MACROD2: variants seen among roughly 807,000 people sequenced by gnomAD.
MACROD2 encodes the protein mono-ADP ribosylhydrolase 2.
In MACROD2, 36 loss-of-function variants were observed where a neutral mutation model predicts 70.4. The ratio of observed to expected loss-of-function variants is 0.51; its 90% CI spans 0.39 to 0.68. The LOEUF (loss-of-function observed/expected upper bound fraction) is 0.68. MACROD2 is among the 30% of genes least tolerant of loss of function. MACROD2 has a pLI of 0.00. For missense variants in MACROD2, 496 were observed against 538.4 expected, an observed-to-expected ratio of 0.92 and a Z score of 0.78; for synonymous variants, 172 against 178.8, an observed-to-expected ratio of 0.96 and a Z score of 0.30.
At chr20:14,467,055 T>C (rs975415552) in intron 3 of MACROD2, among the ~76,000 whole-genome samples, 3 of 152,140 alleles carry the variant, frequency 2.0e-5, no homozygotes, top group African/African-American at 7.2e-5. Flanking sequence ...CTACTCTCTT[T>C]AAAGCTGTCA....
At chr20:15,633,976 G>A (rs115466237) in intron 8 of MACROD2, among the ~76,000 whole-genome samples, 2,553 of 152,200 alleles carry the variant, frequency 0.017, 36 homozygotes, top group Middle Eastern at 0.044. Flanking sequence ...ATCTGTTTAT[G>A]CCTCTTTAGT....
intron 3 of MACROD2, among the ~76,000 whole-genome samples, chr20:14,354,464 A>G (rs1020674276): frequency 6.6e-6 from 1 of 152,172 alleles, no homozygotes; most frequent in Non-Finnish European, 1.5e-5. Flanking sequence ...TTTTAGGTGG[A>G]TATCAGCCTT....
chr20:14,975,953 G>T (rs1460008796), intron 5 of MACROD2, among the ~76,000 whole-genome samples: 6 of 152,094 alleles, frequency 3.9e-5, no homozygotes, highest in African/African-American at 1.4e-4. Context: ...GGCTTTCAAC[G>T]GAATTAACAG....
intron 4 of MACROD2, among the ~76,000 whole-genome samples, chr20:14,597,331 C>T (rs1982210619): frequency 6.6e-6 from 1 of 152,090 alleles, no homozygotes; most frequent in Admixed American, 6.5e-5. Context: ...GTTTGTTGTT[C>T]TTGGCTTCCC....
chr20:15,626,762 G>A (rs534645016), intron 8 of MACROD2, among the ~76,000 whole-genome samples: 1 of 152,244 alleles, frequency 6.6e-6, no homozygotes, highest in Admixed American at 6.5e-5. Context: ...GGCTGAGGCA[G>A]GAGAATCTCT....
chr20:14,516,079 A>G lies in MACROD2; in HGVS notation c.301+22571A>G, dbSNP rs2085097105. Among the ~76,000 whole-genome samples, 7 of 149,620 alleles carry G rather than the reference A, an allele frequency of 4.7e-5. 1 individual carries two copies. The South Asian group carries it at 1.5e-3, about 31-fold the overall frequency. On this transcript the variant is annotated intron_variant, in intron 4 of 17. Transcript: ENST00000684519. Reference sequence around the variant, plus strand: ...TAAAATCATTATCTCTCAAATAAATAAATAAATAAATAAGAAAGAAATTTA... The same window carrying G: ...TAAAATCATTATCTCTCAAATAAATGAATAAATAAATAAGAAAGAAATTTA...
At chr20:14,079,224 G>A (rs2053957258) in intron 2 of MACROD2, among the ~76,000 whole-genome samples, 1 of 152,156 alleles carries the variant, frequency 6.6e-6, no homozygotes, top group South Asian at 2.1e-4. Context: ...GAGACCTGTG[G>A]AAAGGACTAT....
rs568154970 is a variant in MACROD2 at position 16,045,432 on chromosome 20, A to C, written c.1300+793A>C. Reference sequence around the variant, plus strand: ...AGGCAAGGAAAATGACTTTATTCCAAGAGCCAGCAAACCAAGAAGATGGCA... The same window carrying C: ...AGGCAAGGAAAATGACTTTATTCCACGAGCCAGCAAACCAAGAAGATGGCA... On this transcript the variant is annotated intron_variant, in intron 17 of 17. Coordinates refer to ENST00000684519, the MANE Select transcript of MACROD2 (RefSeq NM_001351661.2). Among the ~76,000 whole-genome samples, 19 of 152,258 alleles carry C rather than the reference A, an allele frequency of 1.2e-4. No homozygotes were observed. In the South Asian group the frequency reaches 3.9e-3, roughly 32 times the overall value.
chr20:15,175,195 G>A (rs986033095), intron 5 of MACROD2, among the ~76,000 whole-genome samples: 4 of 147,244 alleles, frequency 2.7e-5, no homozygotes, highest in East Asian at 2.0e-4. Context: ...ACCAAACACC[G>A]CATATTGTCA....
At chr20:15,919,534 A>C (rs1180108430) in intron 10 of MACROD2, among the ~76,000 whole-genome samples, 1 of 152,124 alleles carries the variant, frequency 6.6e-6, no homozygotes, top group African/African-American at 2.4e-5. Flanking sequence ...CAGGAGTTCC[A>C]GATCAGTCTG....
intron 6 of MACROD2, among the ~76,000 whole-genome samples, chr20:15,389,175 C>A (rs551253227): frequency 6.6e-6 from 1 of 152,192 alleles, no homozygotes; most frequent in East Asian, 1.9e-4. Context: ...CTTTCAAGAA[C>A]CTAGGGTTGC....
intron 5 of MACROD2, among the ~76,000 whole-genome samples, chr20:15,133,182 A>ATC (rs2076119318): frequency 6.6e-6 from 1 of 152,150 alleles, no homozygotes; most frequent in African/African-American, 2.4e-5. Context: ...ATTTATAAAG[A>ATC]AAAGATCAAT....
chr20:15,432,513 C>T (rs2046375670), intron 7 of MACROD2, among the ~76,000 whole-genome samples: 1 of 151,988 alleles, frequency 6.6e-6, no homozygotes, highest in Non-Finnish European at 1.5e-5. Flanking sequence ...ACAATTATCC[C>T]CATCATGGCC....
intron 5 of MACROD2, among the ~76,000 whole-genome samples, chr20:14,816,084 A>G (rs2072770840): frequency 6.6e-6 from 1 of 152,068 alleles, no homozygotes; most frequent in South Asian, 2.1e-4. Flanking sequence ...CATTAAAAGG[A>G]GTTGAGTGGA....
chr20:14,028,364 G>A (rs2148629836), intron 2 of MACROD2, among the ~76,000 whole-genome samples: 1 of 152,312 alleles, frequency 6.6e-6, no homozygotes, highest in East Asian at 1.9e-4. Flanking sequence ...GGACCCCGTG[G>A]GGGTGGGATC....
At chr20:14,855,613 T>G (rs962459524) in intron 5 of MACROD2, among the ~76,000 whole-genome samples, 5 of 147,660 alleles carry the variant, frequency 3.4e-5, no homozygotes, top group African/African-American at 1.2e-4. Flanking sequence ...TTTTTTTTTT[T>G]TTTTTTTTTT....
At chr20:14,268,859 A>T (rs1426671138) in intron 3 of MACROD2, among the ~76,000 whole-genome samples, 1 of 152,042 alleles carries the variant, frequency 6.6e-6, no homozygotes, top group Non-Finnish European at 1.5e-5. Flanking sequence ...CCTTTATCCC[A>T]TTCTTTTAAA....
intron 6 of MACROD2, among the ~76,000 whole-genome samples, chr20:15,286,831 G>A (rs1173403761): frequency 1.3e-5 from 2 of 152,146 alleles, no homozygotes; most frequent in African/African-American, 4.8e-5. Flanking sequence ...TCAGAAGCTA[G>A]TGCTGCTATT....
chr20:15,384,310 T>A (rs1330041773), intron 6 of MACROD2, among the ~76,000 whole-genome samples: 2 of 152,112 alleles, frequency 1.3e-5, no homozygotes, highest in Non-Finnish European at 2.9e-5. Context: ...CAAGCTTGAG[T>A]GCAGTGGTGC....
Sources: allele counts gnomAD v4.1 joint callset (sites outside exome capture counted in the v4.1 genomes callset), GRCh38; gene constraint gnomAD v4.1.1; transcripts MANE v1.5; gene names NCBI Gene and HGNC (gene_info 2026-07-23, HGNC 2026-07-21).